Variants in ELP1 observed in about 807,000 individuals in gnomAD.
ELP1 encodes elongator acetyltransferase complex subunit 1, also known as elongator complex protein 1.
Under a neutral mutation model 183.2 loss-of-function variants are expected in ELP1, and 131 were observed. That is an observed-to-expected ratio of 0.72 (90% CI 0.62 to 0.83). The LOEUF is 0.83. Among genes scored for constraint, ELP1 ranks in the 40% least tolerant of loss-of-function variants. The pLI is 0.00. For synonymous variants in ELP1, 555 were observed against 569.0 expected (o/e 0.98, Z 0.35); for missense variants, 1,550 against 1,594.9 (o/e 0.97, Z 0.48).
Position 108,878,687 on chromosome 9 carries a change from C to A in ELP1, c.3636G>T (p.Pro1212=), listed in dbSNP as rs780520998. The change falls in exon 34 of 37, where the codon CCG becomes CCT. Residue 1212 remains proline (P), a synonymous_variant. Coordinates refer to ENST00000374647, the MANE Select transcript of ELP1 (RefSeq NM_003640.5). The part of the protein sequence containing the change: ...RKKHSLKEGS[P]LEDLALLEAL... ...CCTCCAGGAGGGCCAGGTCCTCCAG[C>A]GGACTGCCTTCTTTGAGGCTGTGCT... 4 of 1,614,140 alleles carry A rather than the reference C, an allele frequency of 2.5e-6. No homozygotes were observed. Among genetic ancestry groups the A allele is most frequent in the Admixed American group, 1.7e-5 (1 of 60,022 alleles).
At chr9:108,912,155 CA>C in intron 11 of ELP1, 108 bp downstream of exon 11, 1 of 864,860 alleles carries the variant, frequency 1.2e-6, no homozygotes, top group Non-Finnish European at 1.9e-6. Context: ...GTAACCCAAA[CA>C]GCCAAAACAA....
chr9:108,884,150 A>T (rs2131956383), intron 29 of ELP1, among the ~76,000 whole-genome samples: 1 of 152,356 alleles, frequency 6.6e-6, no homozygotes, highest in East Asian at 1.9e-4. Context: ...TATTAATAAC[A>T]TTAAAGTCAA....
chr9:108,919,152 TA>T, intron 7 of ELP1, 100 bp downstream of exon 7: 1 of 820,206 alleles, frequency 1.2e-6, no homozygotes, highest in African/African-American at 1.7e-5. Context: ...GCCTCATATG[TA>T]TAATTAATAC....
At chr9:108,930,036 A>C in intron 2 of ELP1, 115 bp from the exon 3 acceptor site, 1 of 1,244,920 alleles carries the variant, frequency 8.0e-7, no homozygotes, top group Non-Finnish European at 1.1e-6. Context: ...TTTCAAAAAT[A>C]TTTTTTCTAG....
chr9:108,922,696 C>T, intron 6 of ELP1, 146 bp downstream of exon 6: 4 of 718,318 alleles, frequency 5.6e-6, no homozygotes, highest in Non-Finnish European at 7.6e-6. Context: ...TAGAGGGATT[C>T]ATTTCCTGAA....
intron 3 of ELP1, among the ~76,000 whole-genome samples, chr9:108,927,858 A>G (rs1012188573): frequency 6.6e-6 from 1 of 152,234 alleles, no homozygotes; most frequent in Non-Finnish European, 1.5e-5. Flanking sequence ...TCACGGACAC[A>G]GAGAGTACAA....
In ELP1 at chr9:108,912,499, A is replaced by C; in HGVS notation, c.959-5T>G. ...TTCCAACAGTCCAGAGCTGAACTGC[A>C]AGGGAAAATGAAAAGAAGGCCGTTA... On this transcript the variant is annotated splice_region_variant and splice_polypyrimidine_tract_variant and intron_variant, in intron 10 of 36. Transcript: ENST00000374647. The C allele has an allele frequency of 6.2e-7, 1 of 1,607,418 alleles. No homozygotes were observed. The highest frequency in any genetic ancestry group is 8.5e-7 in the Non-Finnish European group (1 of 1,174,040).
At chr9:108,926,007 A>G (rs1365662683) in intron 5 of ELP1, among the ~76,000 whole-genome samples, 1 of 152,226 alleles carries the variant, frequency 6.6e-6, no homozygotes, top group African/African-American at 2.4e-5. Flanking sequence ...CAGGCCAGCT[A>G]CTTTGTGACT....
At chr9:108,898,837 G>T in intron 20 of ELP1, 88 bp from the exon 21 acceptor site, 1 of 879,516 alleles carries the variant, frequency 1.1e-6, no homozygotes, top group Non-Finnish European at 1.9e-6. Flanking sequence ...ATACAAACCA[G>T]TTATAATCAG....
In ELP1 at chr9:108,889,368, G is replaced by A; in HGVS notation, c.3186C>T (p.His1062=). 1.9e-6 allele frequency: 3 copies of A among 1,614,138 alleles called. No individual in the cohort carries two copies. The highest frequency in any genetic ancestry group is 2.5e-6 in the Non-Finnish European group (3 of 1,179,984). The change falls in exon 29 of 37, where the codon CAC becomes CAT. Residue 1062 remains histidine (H), a synonymous_variant. Coordinates refer to ENST00000374647, the MANE Select transcript of ELP1 (RefSeq NM_003640.5). The stretch of plus-strand genomic sequence containing the variant: ...CTTCCAAAACCATGGCCGCATCAAT[G>A]TGCTTCCTCTGCTCAACCAGCTTTC... The part of the protein sequence containing the change: ...LAGKLVEQRK[H]IDAAMVLEEC...
chr9:108,916,613 G>C (rs1829443950), intron 9 of ELP1, among the ~76,000 whole-genome samples: 1 of 152,102 alleles, frequency 6.6e-6, no homozygotes, highest in African/African-American at 2.4e-5. Context: ...ACAGAGATAA[G>C]ATGTAATAAT....
chr9:108,902,015 AAACCATGAAGCAG>A (rs1245364968), intron 16 of ELP1, among the ~76,000 whole-genome samples: 1 of 152,192 alleles, frequency 6.6e-6, no homozygotes, highest in African/African-American at 2.4e-5. Context: ...ATCACTGTCC[AAACCATGAAGCAG>A]AACACATTAC....
intron 4 of ELP1, among the ~76,000 whole-genome samples, chr9:108,926,866 T>C (rs1490479921): frequency 1.3e-5 from 2 of 152,130 alleles, no homozygotes; most frequent in African/African-American, 2.4e-5. Flanking sequence ...CTCCACTAAC[T>C]TCAACACTCC....
rs946387194 is a variant in ELP1 at position 108,911,086 on chromosome 9, T to A, written c.1284A>T (p.Thr428=). The A allele has an allele frequency of 2.5e-6, 4 of 1,614,040 alleles. No homozygotes were observed. The African/African-American group carries it at 4.0e-5, about 16-fold the overall frequency. Residue 428 remains threonine (T), a synonymous_variant, in exon 12 of 37, where the codon ACA becomes ACT. Coordinates refer to ENST00000374647, the MANE Select transcript of ELP1 (RefSeq NM_003640.5). The stretch of plus-strand genomic sequence containing the variant: ...TACTCTTTTGAGGGTGTGCTAAGAA[T>A]GTGACTTGATTCACAGGGTGTGGGA... ...LLFPHPVNQV[T]FLAHPQKSND... is the part of the protein sequence containing the mutation.
At chr9:108,917,404 T>C (rs1587914655) in intron 9 of ELP1, 143 bp downstream of exon 9, 5 of 738,616 alleles carry the variant, frequency 6.8e-6, no homozygotes, top group Non-Finnish European at 6.7e-6. Flanking sequence ...GAGGCGGAGG[T>C]TGCAGTGAAC....
chr9:108,906,473 C>G lies in ELP1; in HGVS notation c.1473G>C (p.Glu491Asp). 1 of 1,613,324 alleles carries G rather than the reference C, an allele frequency of 6.2e-7. No individual in the cohort carries two copies. The highest frequency in any genetic ancestry group is 8.5e-7 in the Non-Finnish European group (1 of 1,179,320). ...GGTTTACATCTTGATCTTCATTATT[C>G]TCAAACTGGATTCTATTGTAAATAT... ...HLEKRYKIQF[E>D]NNEDQDVNPL... The change falls in exon 14 of 37, where the codon GAG (glutamate) becomes GAC (aspartate). Residue 491 changes from glutamate to aspartate, a missense_variant. Glu to Asp is a conservative substitution (Grantham distance 45, BLOSUM62 2). Transcript: ENST00000374647.
At chr9:108,877,016 C>A (rs1827729864) in intron 35 of ELP1, among the ~76,000 whole-genome samples, 1 of 152,172 alleles carries the variant, frequency 6.6e-6, no homozygotes. Context: ...CAGGCGTGAG[C>A]CACCACCACA....
At chr9:108,912,743 G>C (rs1829277138) in intron 10 of ELP1, among the ~76,000 whole-genome samples, 1 of 145,974 alleles carries the variant, frequency 6.9e-6, no homozygotes, top group African/African-American at 2.5e-5. Flanking sequence ...TTATTCATAT[G>C]TTTATTTTCG....
At chr9:108,874,789 GA>G (rs1168290545) in intron 36 of ELP1, 105 bp downstream of exon 36, 11 of 816,174 alleles carry the variant, frequency 1.3e-5, no homozygotes, top group Non-Finnish European at 1.1e-5. Context: ...TTTTTGTAGT[GA>G]AAAATTGTAT....
Sources: gnomAD v4.1 joint callset for allele counts (sites outside exome capture counted in the v4.1 genomes callset) on GRCh38, gnomAD v4.1.1 for gene constraint, MANE v1.5 for transcripts, NCBI Gene and HGNC (gene_info 2026-07-23, HGNC 2026-07-21) for gene names.